C10orf71: variants seen among roughly 807,000 people sequenced by gnomAD.
C10orf71 encodes chromosome 10 open reading frame 71.
For synonymous variants in C10orf71, 758 were observed against 726.3 expected (o/e 1.04, Z -0.70); for missense variants, 1,869 against 1,804.5 (o/e 1.04, Z -0.65).
chr10:49,321,481 C>T (rs1849092645), intron 2 of C10orf71, among the ~76,000 whole-genome samples: 1 of 152,200 alleles, frequency 6.6e-6, no homozygotes, highest in African/African-American at 2.4e-5. Context: ...ATTTTGTTCA[C>T]TTCTCTGTCT....
rs749343051 is a variant in C10orf71 at position 49,324,874 on chromosome 10, G to C, written c.2329G>C (p.Asp777His). 2 of 1,551,850 alleles carry C rather than the reference G, an allele frequency of 1.3e-6. No individual in the cohort carries two copies. The highest frequency in any genetic ancestry group is 1.2e-5 in the South Asian group (1 of 84,056). The change falls in exon 3 of 3, where the codon GAT becomes CAT. Residue 777 changes from aspartate to histidine, a missense_variant. Asp to His is a moderately conservative substitution (Grantham distance 81). Coordinates refer to ENST00000374144, the MANE Select transcript of C10orf71 (RefSeq NM_001135196.2). ...KDEKENVMRK[D>H]ELQYCALSNG... ...TGAGAAGGAGAATGTGATGCGGAAGGATGAGCTGCAGTACTGTGCCTTAAG... is the reference window on the plus strand; with the variant it reads ...TGAGAAGGAGAATGTGATGCGGAAGCATGAGCTGCAGTACTGTGCCTTAAG...
At position 49,323,318 on chromosome 10, in the gene C10orf71, T is replaced by A; in HGVS notation, c.773T>A (p.Val258Asp). Residue 258 changes from valine to aspartate, a missense_variant, in exon 3 of 3, where the codon GTC (valine) becomes GAC (aspartate). Physicochemically the swap from Val to Asp is radical, Grantham distance 152. Transcript: ENST00000374144. Reference protein sequence around the residue: ...SKFPSPHHKPVTGEPGRGKGT... With the variant: ...SKFPSPHHKPDTGEPGRGKGT... ...TTCCCCTCTCCACACCACAAGCCAGTCACGGGTGAGCCTGGGAGAGGCAAA... is the reference window on the plus strand; with the variant it reads ...TTCCCCTCTCCACACCACAAGCCAGACACGGGTGAGCCTGGGAGAGGCAAA... 1 of 1,613,844 alleles carries A rather than the reference T, an allele frequency of 6.2e-7. No individual in the cohort carries two copies. The highest frequency in any genetic ancestry group is 1.1e-5 in the South Asian group (1 of 91,066).
rs186089231 is a variant in C10orf71 at position 49,315,854 on chromosome 10, G to A, written c.-247-291G>A. Among the ~76,000 whole-genome samples the A allele has an allele frequency of 2.2e-3, 339 of 152,270 alleles. 3 individuals are homozygous for A. The highest frequency in any genetic ancestry group is 7.0e-3 in the African/African-American group (292 of 41,536). On this transcript the variant is annotated intron_variant, in intron 1 of 2. Transcript: ENST00000374144. ...GCAGATCACTTGAGGTCAGGAGTTCGAGACCAGCCTGGCCAATATGGTGAA... is the reference window on the plus strand; with the variant it reads ...GCAGATCACTTGAGGTCAGGAGTTCAAGACCAGCCTGGCCAATATGGTGAA...
Position 49,326,342 on chromosome 10 carries a change from C to A in C10orf71, c.3797C>A (p.Pro1266His). ...RRPGGPQSLT[P>H]LPAYPATQKV... ...CCCGGGGGCCCCCAGTCCCTCACAC[C>A]CCTGCCCGCGTACCCCGCCACCCAG... The change falls in exon 3 of 3, where the codon CCC becomes CAC. Residue 1266 changes from proline (P) to histidine (H), a missense_variant. By Grantham distance (77) the Pro-to-His change is moderately conservative. Transcript: ENST00000374144. 6.5e-7 allele frequency: 1 copy of A among 1,550,188 alleles called. No individual in the cohort carries two copies. The highest frequency in any genetic ancestry group is 1.4e-5 in the African/African-American group (1 of 73,166).
Position 49,324,601 on chromosome 10 carries a change from G to A in C10orf71, c.2056G>A (p.Ala686Thr). Residue 686 changes from alanine (A) to threonine (T), a missense_variant, in exon 3 of 3, where the codon GCA becomes ACA. Coordinates refer to ENST00000374144, the MANE Select transcript of C10orf71 (RefSeq NM_001135196.2). ...VSQETEPERE[A>T]GLQNTHLNQK... ...CCAAGAGACAGAACCTGAGAGGGAA[G>A]CAGGACTTCAGAACACACATTTGAA... The A allele has an allele frequency of 3.1e-6, 5 of 1,613,970 alleles. No individual in the cohort carries two copies. The highest frequency in any genetic ancestry group is 2.2e-5 in the East Asian group (1 of 44,886).
chr10:49,325,688 T>G lies in C10orf71; in HGVS notation c.3143T>G (p.Leu1048Arg), dbSNP rs1216774391. Residue 1048 changes from leucine to arginine, a missense_variant, in exon 3 of 3, where the codon CTG becomes CGG. Leu to Arg is a moderately radical substitution (Grantham distance 102). Transcript: ENST00000374144. The stretch of plus-strand genomic sequence containing the variant: ...AGAGCAGGGCCCCCTGGCAGAAGAC[T>G]GGTCCCCAGTGAGAGGGCGAATTCC... ...TPRAGPPGRR[L>R]VPSERANSPN... is the part of the protein sequence containing the mutation. The G allele has an allele frequency of 1.3e-6, 2 of 1,551,938 alleles. No homozygotes were observed. The highest frequency in any genetic ancestry group is 8.7e-7 in the Non-Finnish European group (1 of 1,147,032).
rs1849162447 is a variant in C10orf71 at position 49,324,112 on chromosome 10, C to T, written c.1567C>T (p.Leu523Phe). The T allele has an allele frequency of 1.9e-6, 3 of 1,613,946 alleles. No individual in the cohort carries two copies. The highest frequency in any genetic ancestry group is 2.5e-6 in the Non-Finnish European group (3 of 1,179,886). The change falls in exon 3 of 3, where the codon CTT becomes TTT. Residue 523 changes from leucine (L) to phenylalanine (F), a missense_variant. Transcript: ENST00000374144. ...CAGTTCCTCACCTCTCTTGAAAGTG[C>T]TTGATGAGAAAACTAGAGGTAAGGT... ...TYSSSPLLKV[L>F]DEKTRGKVDG...
Position 49,326,606 on chromosome 10 carries a change from A to G in C10orf71, c.4061A>G (p.Gln1354Arg). ...TALMPLRCSS[Q>R]LSAPTFLRQG... ...TTGATGCCGCTGCGCTGCTCCTCTC[A>G]GCTCTCCGCGCCCACCTTCCTCAGG... Residue 1354 changes from glutamine to arginine, a missense_variant, in exon 3 of 3, where the codon CAG (glutamine) becomes CGG (arginine). Coordinates refer to ENST00000374144, the MANE Select transcript of C10orf71 (RefSeq NM_001135196.2). 1 of 1,550,208 alleles carries G rather than the reference A, an allele frequency of 6.5e-7. No homozygotes were observed. The highest frequency in any genetic ancestry group is 8.7e-7 in the Non-Finnish European group (1 of 1,146,822).
chr10:49,314,885 A>G (rs532048223), intron 1 of C10orf71, among the ~76,000 whole-genome samples: 3 of 152,318 alleles, frequency 2.0e-5, no homozygotes, highest in African/African-American at 4.8e-5. Context: ...AGATAACCCA[A>G]TTCAGAGCAT....
In C10orf71 at chr10:49,326,179, G is replaced by C. The variant is rs1017960193; in HGVS notation, c.3634G>C (p.Glu1212Gln). 2 of 1,551,576 alleles carry C rather than the reference G, an allele frequency of 1.3e-6. No individual in the cohort carries two copies. The highest frequency in any genetic ancestry group is 4.9e-5 in the East Asian group (2 of 40,896). The stretch of plus-strand genomic sequence containing the variant: ...GTCACAGGAGGGAAAGCCCTGCCCG[G>C]AGGACTTGGAGCAGACACAGCAAAG... ...GESQEGKPCP[E>Q]DLEQTQQRPL... The change falls in exon 3 of 3, where the codon GAG becomes CAG. Residue 1212 changes from glutamate (E) to glutamine (Q), a missense_variant. By Grantham distance (29) the Glu-to-Gln change is conservative (BLOSUM62 2). Transcript: ENST00000374144.
chr10:49,323,337 A>T lies in C10orf71; in HGVS notation c.792A>T (p.Arg264Ser), dbSNP rs1849137224. Reference protein sequence around the residue: ...HHKPVTGEPGRGKGTFLHSEN... With the variant: ...HHKPVTGEPGSGKGTFLHSEN... ...AGCCAGTCACGGGTGAGCCTGGGAG[A>T]GGCAAAGGTACCTTTCTGCACAGTG... The change falls in exon 3 of 3, where the codon AGA becomes AGT. Residue 264 changes from arginine to serine, a missense_variant. Transcript: ENST00000374144. The T allele has an allele frequency of 1.2e-6, 2 of 1,613,772 alleles. No individual in the cohort carries two copies. The highest frequency in any genetic ancestry group is 1.7e-6 in the Non-Finnish European group (2 of 1,179,806).
rs756846056 is a variant in C10orf71, at chr10:49,324,561, C to T, written c.2016C>T (p.Leu672=). 6.2e-7 allele frequency: 1 copy of T among 1,613,790 alleles called. No homozygotes were observed. Among genetic ancestry groups the T allele is most frequent in the East Asian group, 2.2e-5 (1 of 44,874 alleles). The change falls in exon 3 of 3, where the codon CTC becomes CTT. Residue 672 remains leucine (L), a synonymous_variant. Transcript: ENST00000374144. ...AGACCCACCAGCTAGAGAATGGGCT[C>T]TCCAGATCTGTGTCCCAAGAGACAG... ...KMKTHQLENG[L]SRSVSQETEP...
In C10orf71 at chr10:49,325,613, G is replaced by A. The variant is rs746622246; in HGVS notation, c.3068G>A (p.Cys1023Tyr). The A allele has an allele frequency of 3.9e-5, 61 of 1,551,978 alleles. 1 individual carries two copies. The highest frequency in any genetic ancestry group is 3.5e-6 in the Non-Finnish European group (4 of 1,147,098). ...DQPPPWQPEN[C>Y]WEEQTPGFKS... ...CCACCCCCATGGCAGCCCGAAAACT[G>A]TTGGGAAGAGCAAACACCAGGTTTC... is the stretch of plus-strand genomic sequence containing the variant. The change falls in exon 3 of 3, where the codon TGT (cysteine) becomes TAT (tyrosine). Residue 1023 changes from cysteine to tyrosine, a missense_variant. By Grantham distance (194) the Cys-to-Tyr change is radical (BLOSUM62 -2). Coordinates refer to ENST00000374144, the MANE Select transcript of C10orf71 (RefSeq NM_001135196.2).
At chr10:49,301,154 T>C (rs1488408341) in intron 1 of C10orf71, among the ~76,000 whole-genome samples, 3 of 152,172 alleles carry the variant, frequency 2.0e-5, no homozygotes, top group Admixed American at 6.5e-5. Flanking sequence ...GTCTTCCTCA[T>C]TGGCTCTTGG....
chr10:49,304,588 G>A (rs2132400705), intron 1 of C10orf71, among the ~76,000 whole-genome samples: 1 of 152,280 alleles, frequency 6.6e-6, no homozygotes, highest in East Asian at 1.9e-4. Context: ...GGAGAACCTG[G>A]TCTATAGACA....
upstream of C10orf71, among the ~76,000 whole-genome samples, chr10:49,298,356 A>C (rs1283699885): frequency 6.6e-6 from 1 of 151,954 alleles, no homozygotes. Flanking sequence ...AAAAAAACCC[A>C]CTCTTGCATT....
chr10:49,314,171 G>A (rs934172630), intron 1 of C10orf71, among the ~76,000 whole-genome samples: 2 of 152,166 alleles, frequency 1.3e-5, no homozygotes, highest in Non-Finnish European at 2.9e-5. Context: ...AAGGAGTGGG[G>A]GCCAGACATT....
intron 1 of C10orf71, among the ~76,000 whole-genome samples, chr10:49,312,619 G>A (rs1040910198): frequency 2.6e-5 from 4 of 152,222 alleles, no homozygotes; most frequent in South Asian, 2.1e-4. Context: ...CAGTGTGAGA[G>A]ACCAACTGGG....
rs1418949688 is a variant in C10orf71 at position 49,326,710 on chromosome 10, C to A, written c.4165C>A (p.His1389Asn). The A allele has an allele frequency of 2.6e-6, 4 of 1,551,112 alleles. No homozygotes were observed. In the African/African-American group the frequency reaches 5.5e-5, roughly 21 times the overall value. The change falls in exon 3 of 3, where the codon CAC becomes AAC. Residue 1389 changes from histidine to asparagine, a missense_variant. Physicochemically the swap from His to Asn is moderately conservative, Grantham distance 68. Coordinates refer to ENST00000374144, the MANE Select transcript of C10orf71 (RefSeq NM_001135196.2). ...ESGLQLDPGP[H>N]GDCTPHSAGQ... Reference sequence around the variant, plus strand: ...TGGACTACAGCTGGACCCAGGGCCTCACGGTGACTGCACCCCGCACTCTGC... The same window carrying A: ...TGGACTACAGCTGGACCCAGGGCCTAACGGTGACTGCACCCCGCACTCTGC...
Sources: gnomAD v4.1 joint callset for allele counts (sites outside exome capture counted in the v4.1 genomes callset) on GRCh38, gnomAD v4.1.1 for gene constraint, MANE v1.5 for transcripts, NCBI Gene and HGNC (gene_info 2026-07-23, HGNC 2026-07-21) for gene names.